EXOC2: variants seen among roughly 807,000 people sequenced by gnomAD.
EXOC2 encodes exocyst complex component 2, also known as SEC5-like 1.
A neutral mutation model predicts 131.8 loss-of-function variants in EXOC2; 70 were observed. The ratio of observed to expected loss-of-function variants is 0.53; its 90% CI spans 0.44 to 0.65. The LOEUF (loss-of-function observed/expected upper bound fraction) is 0.65. Ranked by LOEUF, EXOC2 falls within the 30% of genes least tolerant of loss-of-function variation. The pLI is 0.00. For synonymous variants in EXOC2, 411 were observed against 398.4 expected (o/e 1.03, Z -0.38); for missense variants, 923 against 1,108.6 (o/e 0.83, Z 2.38).
At chr6:531,876 T>C (rs775627871) in intron 23 of EXOC2, among the ~76,000 whole-genome samples, 1 of 152,264 alleles carries the variant, frequency 6.6e-6, no homozygotes, top group Admixed American at 6.5e-5. Flanking sequence ...ATCAAAAGTT[T>C]ACTTGATTCA....
At chr6:687,831 G>A (rs1764734528) in intron 1 of EXOC2, among the ~76,000 whole-genome samples, 1 of 152,224 alleles carries the variant, frequency 6.6e-6, no homozygotes. Flanking sequence ...AAGAAATGTG[G>A]CAGGAAAGTG....
chr6:656,962 A>G, intron 1 of EXOC2: 1 of 1,504,168 alleles, frequency 6.6e-7, no homozygotes, highest in Non-Finnish European at 8.9e-7. Flanking sequence ...CAGGGAAGGC[A>G]GCTGGGGGCC....
intron 1 of EXOC2, among the ~76,000 whole-genome samples, chr6:680,124 T>A (rs573959575): frequency 6.6e-5 from 10 of 152,316 alleles, no homozygotes; most frequent in Non-Finnish European, 2.9e-5. Flanking sequence ...ATTCTGTGTC[T>A]TGTTTTAGCT....
chr6:585,039 G>T (rs1218290706), intron 11 of EXOC2, among the ~76,000 whole-genome samples: 2 of 152,182 alleles, frequency 1.3e-5, no homozygotes, highest in East Asian at 3.9e-4. Context: ...TATTTCACAG[G>T]AATTTTAAGA....
At chr6:678,487 C>T (rs887422100) in intron 1 of EXOC2, among the ~76,000 whole-genome samples, 2 of 152,186 alleles carry the variant, frequency 1.3e-5, no homozygotes, top group Non-Finnish European at 2.9e-5. Context: ...TCATTAGCTG[C>T]GCTGACACGC....
rs537250934 is a variant in EXOC2, at chr6:626,845, G to A, written c.422+2990C>T. Among the ~76,000 whole-genome samples, 64 of 152,004 alleles carry A rather than the reference G, an allele frequency of 4.2e-4. No individual in the cohort carries two copies. In the East Asian group the frequency reaches 9.5e-3, roughly 23 times the overall value. ...TGACCTCAAGTGATCCGCCCGCCTC[G>A]GCCTCTCAAAGTGCTGGGATTACAG... is the stretch of plus-strand genomic sequence containing the variant. On this transcript the variant is annotated intron_variant, in intron 4 of 27. Coordinates refer to ENST00000230449, the MANE Select transcript of EXOC2 (RefSeq NM_018303.6).
chr6:627,663 T>C (rs1761649339), intron 4 of EXOC2, among the ~76,000 whole-genome samples: 1 of 152,232 alleles, frequency 6.6e-6, no homozygotes, highest in Non-Finnish European at 1.5e-5. Flanking sequence ...GCATTTCTCA[T>C]TGCGTATGTC....
chr6:649,998 A>C (rs1762760273), intron 1 of EXOC2, among the ~76,000 whole-genome samples: 1 of 152,228 alleles, frequency 6.6e-6, no homozygotes, highest in Admixed American at 6.5e-5. Context: ...TCATTGAATT[A>C]TCATTTTGTG....
chr6:491,092 T>C (rs1477621804), intron 26 of EXOC2, 33 bp downstream of exon 26: 4 of 1,608,324 alleles, frequency 2.5e-6, no homozygotes, highest in African/African-American at 1.3e-5. Context: ...TTATTTTTAA[T>C]AGAGCACTCA....
At chr6:617,306 G>T (rs1283856552) in intron 6 of EXOC2, among the ~76,000 whole-genome samples, 1 of 152,230 alleles carries the variant, frequency 6.6e-6, no homozygotes, top group Admixed American at 6.5e-5. Flanking sequence ...ATACGTGGGC[G>T]CCTGTGCGAT....
rs187069670 is a variant in EXOC2 at position 596,319 on chromosome 6, C to T, written c.1073+1702G>A. Among the ~76,000 whole-genome samples, 134 of 151,940 alleles carry T rather than the reference C, an allele frequency of 8.8e-4. 2 individuals carry two copies. Among genetic ancestry groups the T allele is most frequent in the Non-Finnish European group, 1.6e-3 (108 of 67,992 alleles). Reference sequence around the variant, plus strand: ...ACAGGTCCAGGTGCGGATCTTTTCCCCCGTTCACACTTGCACACACAGCAG... The same window carrying T: ...ACAGGTCCAGGTGCGGATCTTTTCCTCCGTTCACACTTGCACACACAGCAG... On this transcript the variant is annotated intron_variant, in intron 10 of 27. Coordinates refer to ENST00000230449, the MANE Select transcript of EXOC2 (RefSeq NM_018303.6).
At chr6:553,716 A>G (rs1280785655) in intron 21 of EXOC2, 138 bp downstream of exon 21, 2 of 654,646 alleles carry the variant, frequency 3.1e-6, no homozygotes, top group Non-Finnish European at 5.4e-6. Flanking sequence ...AAAATTTCAC[A>G]TAATAGAGCT....
Position 485,594 on chromosome 6 carries a change from CTG to C in EXOC2, c.*1075_*1076del, listed in dbSNP as rs1343770035. On this transcript the variant is annotated 3_prime_UTR_variant, in exon 28 of 28. Transcript: ENST00000230449. The stretch of plus-strand genomic sequence containing the variant: ...GAGGGAGTTGGGTGGGCCGCTGACT[CTG>C]AGAGAAGTCCCGGTGACCTGAACCT... 6 of 152,312 alleles carry C rather than the reference CTG, an allele frequency of 3.9e-5. No individual in the cohort carries two copies. Among genetic ancestry groups the C allele is most frequent in the South Asian group, 2.1e-4 (1 of 4,820 alleles). The allele number at this position is 152,312 out of a possible 1,614,324, so 9.4% of individuals were successfully genotyped here.
chr6:495,377 G>T (rs895746010), intron 25 of EXOC2, among the ~76,000 whole-genome samples: 4 of 152,038 alleles, frequency 2.6e-5, no homozygotes, highest in Non-Finnish European at 5.9e-5. Context: ...GCCCGCCTCG[G>T]CCTCCCAAAG....
At chr6:545,575 C>A (rs1260149421) in intron 22 of EXOC2, among the ~76,000 whole-genome samples, 1 of 152,138 alleles carries the variant, frequency 6.6e-6, no homozygotes, top group African/African-American at 2.4e-5. Flanking sequence ...TAGAAAAAGG[C>A]ATGCAAATTA....
chr6:534,783 A>G (rs1766339291), intron 22 of EXOC2, among the ~76,000 whole-genome samples: 1 of 152,194 alleles, frequency 6.6e-6, no homozygotes, highest in African/African-American at 2.4e-5. Context: ...ACAGGCAATA[A>G]CTCTGAGTTC....
chr6:672,674 T>A lies in EXOC2; in HGVS notation c.-44+20345A>T, dbSNP rs559585684. 2.6e-5 allele frequency among the ~76,000 whole-genome samples: 4 copies of A among 152,244 alleles called. No individual in the cohort carries two copies. The East Asian group carries it at 7.7e-4, about 29-fold the overall frequency. ...TTTCTGAGGGATATAAGGAAAGTTG[T>A]TGATTTTCAGTTTGTTTAGCTTTTT... On this transcript the variant is annotated intron_variant, in intron 1 of 27. Transcript: ENST00000230449.
At position 587,435 on chromosome 6, in the gene EXOC2, G is replaced by A. The variant is rs547848141; in HGVS notation, c.1192+5034C>T. On this transcript the variant is annotated intron_variant, in intron 11 of 27. Coordinates refer to ENST00000230449, the MANE Select transcript of EXOC2 (RefSeq NM_018303.6). ...AATTTTTTGTATTTTTAGTAGAGAC[G>A]GGGTTTCACTGTGTTAGCCAGGATG... 3.3e-5 allele frequency among the ~76,000 whole-genome samples: 5 copies of A among 152,196 alleles called. No homozygotes were observed. In the South Asian group the frequency reaches 6.2e-4, roughly 19 times the overall value.
rs576434747 is a variant in EXOC2 at position 580,659 on chromosome 6, A to G, written c.1193-3777T>C. ...AATTTTATGAAGAATTTCCATGGCC[A>G]TGCAGTTGGTATCAGGTTCTGTGGC... On this transcript the variant is annotated intron_variant, in intron 11 of 27. Coordinates refer to ENST00000230449, the MANE Select transcript of EXOC2 (RefSeq NM_018303.6). Among the ~76,000 whole-genome samples, 5 of 152,280 alleles carry G rather than the reference A, an allele frequency of 3.3e-5. No individual in the cohort carries two copies. The South Asian group carries it at 8.3e-4, about 25-fold the overall frequency.
Sources: gnomAD v4.1 joint callset for allele counts (sites outside exome capture counted in the v4.1 genomes callset) on GRCh38, gnomAD v4.1.1 for gene constraint, MANE v1.5 for transcripts, NCBI Gene and HGNC (gene_info 2026-07-23, HGNC 2026-07-21) for gene names.